Variants in NPHS1 observed in about 807,000 individuals in gnomAD.
The protein encoded by NPHS1 is NPHS1 adhesion molecule, nephrin, also known as nephrin.
A neutral mutation model predicts 139.7 loss-of-function variants in NPHS1; 107 were observed. That is an observed-to-expected ratio of 0.77 (90% CI 0.66 to 0.90). The LOEUF (loss-of-function observed/expected upper bound fraction) is 0.90, where lower values mean the gene tolerates loss of function less well. Ranked by LOEUF, NPHS1 falls within the 40% of genes least tolerant of loss-of-function variation. The pLI is 0.00. For synonymous variants in NPHS1, 707 were observed against 706.6 expected (o/e 1.00, Z -0.01); for missense variants, 1,580 against 1,654.2 (o/e 0.96, Z 0.78).
chr19:35,846,248 C>T lies in NPHS1; in HGVS notation c.1441-54G>A. The stretch of plus-strand genomic sequence containing the variant: ...AGGCAGCCCTGCCGCTTCCACCAAC[C>T]CCCAACCCCCCTACCCTGCCCACTG... On this transcript the variant is annotated intron_variant, in intron 11 of 28. Coordinates refer to ENST00000378910, the MANE Select transcript of NPHS1 (RefSeq NM_004646.4). 4.6e-6 allele frequency: 7 copies of T among 1,528,550 alleles called. No individual in the cohort carries two copies. The South Asian group carries it at 8.3e-5, about 18-fold the overall frequency. The allele number at this position is 1,528,550 out of a possible 1,614,324, so 94.7% of individuals were successfully genotyped here. A position where few individuals can be genotyped will look rare whatever the true frequency, so the allele number is the denominator to read the frequency against.
Position 35,845,871 on chromosome 19 carries a change from C to G in NPHS1, c.1628-73G>C. On this transcript the variant is annotated intron_variant, in intron 12 of 28. Coordinates refer to ENST00000378910, the MANE Select transcript of NPHS1 (RefSeq NM_004646.4). This position sits in a 1 kb window ranked among gnomAD's most constrained non-coding sequence, Gnocchi z 5.5. Reference sequence around the variant, plus strand: ...TGGTCTGCGTCCACCCCGCCTGCACCCCAGGCTCCGCCCAGTCTCGGGTCC... The same window carrying G: ...TGGTCTGCGTCCACCCCGCCTGCACGCCAGGCTCCGCCCAGTCTCGGGTCC... The G allele has an allele frequency of 6.4e-7, 1 of 1,573,298 alleles. No homozygotes were observed. Among genetic ancestry groups the G allele is most frequent in the Non-Finnish European group, 8.6e-7 (1 of 1,157,196 alleles).
At position 35,846,504 on chromosome 19, in the gene NPHS1, C is replaced by G. The variant is rs76104752; in HGVS notation, c.1441-310G>C. On this transcript the variant is annotated intron_variant, in intron 11 of 28. Transcript: ENST00000378910. ...TGCAGCCACCTGCAGGCTCTCAGCG[C>G]ACTCCTCAAAATCTATTTCTGCTGT... Among the ~76,000 whole-genome samples the G allele has an allele frequency of 5.1e-3, 779 of 152,310 alleles. 8 individuals carry two copies. Among genetic ancestry groups the G allele is most frequent in the African/African-American group, 0.018 (752 of 41,562 alleles).
At chr19:35,839,830 AG>A (rs1973028234) in intron 20 of NPHS1, among the ~76,000 whole-genome samples, 1 of 128,530 alleles carries the variant, frequency 7.8e-6, no homozygotes, top group African/African-American at 3.9e-5. Context: ...GCTTGAGCCC[AG>A]GAGTTCGAGA....
intron 2 of NPHS1, 27 bp downstream of exon 2, chr19:35,851,430 T>C (rs1446949521): frequency 6.2e-7 from 1 of 1,612,874 alleles, no homozygotes. Flanking sequence ...CGCTGGTGGC[T>C]GAGGGTCTCA....
Position 35,851,299 on chromosome 19 carries a change from G to T in NPHS1, c.360C>A (p.Pro120=). The T allele has an allele frequency of 1.2e-6, 2 of 1,613,942 alleles. No individual in the cohort carries two copies. Among genetic ancestry groups the T allele is most frequent in the Non-Finnish European group, 1.7e-6 (2 of 1,179,948 alleles). ...ECQVGRSEMG[P]ELVSPRVILS... is the part of the protein sequence containing the mutation. Reference sequence around the variant, plus strand: ...GGATCACTCTGGGAGACACGAGCTCGGGCCCCATCTCAGAGCGGCCGACCT... The same window carrying T: ...GGATCACTCTGGGAGACACGAGCTCTGGCCCCATCTCAGAGCGGCCGACCT... Residue 120 remains proline, a synonymous_variant, in exon 3 of 29, where the codon CCC becomes CCA. Coordinates refer to ENST00000378910, the MANE Select transcript of NPHS1 (RefSeq NM_004646.4).
At chr19:35,826,781 A>C in intron 28 of NPHS1, 136 bp from the exon 29 acceptor site, 1 of 919,848 alleles carries the variant, frequency 1.1e-6, no homozygotes, top group South Asian at 1.4e-5. Flanking sequence ...CAACATATAC[A>C]AAAAAGGAGT....
At chr19:35,844,544 G>T in intron 14 of NPHS1, 85 bp from the exon 15 acceptor site, 1 of 1,442,674 alleles carries the variant, frequency 6.9e-7, no homozygotes. Flanking sequence ...AGGTTCAAGG[G>T]TTAAAGTTGG....
At chr19:35,850,935 C>T (rs748526131) in intron 4 of NPHS1, 26 bp downstream of exon 4, 1 of 1,613,384 alleles carries the variant, frequency 6.2e-7, no homozygotes, top group East Asian at 2.2e-5. Flanking sequence ...ATGCTGCCCC[C>T]TGCCACCCAG....
chr19:35,851,563 G>C lies in NPHS1; in HGVS notation c.168C>G (p.Ser56Arg). Residue 56 changes from serine (S) to arginine (R), a missense_variant, in exon 2 of 29, where the codon AGC becomes AGG. By Grantham distance (110) the Ser-to-Arg change is moderately radical. Transcript: ENST00000378910. ...CCCATTGCACCGCACTGCCAGGGGT[G>C]CTGACCCCACAACGCAGCTCCACTG... ...GASVELRCGVSTPGSAVQWAK... is the reference protein window; with the variant it reads ...GASVELRCGVRTPGSAVQWAK... 1 of 1,613,914 alleles carries C rather than the reference G, an allele frequency of 6.2e-7. No homozygotes were observed. The highest frequency in any genetic ancestry group is 8.5e-7 in the Non-Finnish European group (1 of 1,179,972).
At chr19:35,829,103 T>C (rs1036306989) in intron 28 of NPHS1, among the ~76,000 whole-genome samples, 1 of 152,228 alleles carries the variant, frequency 6.6e-6, no homozygotes, top group Non-Finnish European at 1.5e-5. Flanking sequence ...ACCATCCTCA[T>C]TTCCCTGTGA....
At chr19:35,831,854 C>T in intron 23 of NPHS1, 92 bp from the exon 24 acceptor site, 1 of 1,370,370 alleles carries the variant, frequency 7.3e-7, no homozygotes, top group Non-Finnish European at 1.0e-6. Context: ...CTGACCAAGT[C>T]CCTCCCCCAG....
In NPHS1 at chr19:35,849,428, C is replaced by T. The variant is rs1973195828; in HGVS notation, c.713-65G>A. On this transcript the variant is annotated intron_variant, in intron 6 of 28. Coordinates refer to ENST00000378910, the MANE Select transcript of NPHS1 (RefSeq NM_004646.4). ...ATCCACTCTTTCCAGGCCCCACAAC[C>T]TGCCTTTGAACCCCCATGTTTCTCT... is the stretch of plus-strand genomic sequence containing the variant. The T allele has an allele frequency of 1.7e-5, 27 of 1,600,128 alleles. No homozygotes were observed. In the South Asian group the frequency reaches 2.9e-4, roughly 17 times the overall value.
chr19:35,840,838 G>A lies in NPHS1; in HGVS notation c.2815+877C>T, dbSNP rs191031309. Among the ~76,000 whole-genome samples the A allele has an allele frequency of 1.1e-3, 165 of 148,246 alleles. 1 individual carries two copies. Among genetic ancestry groups the A allele is most frequent in the African/African-American group, 4.0e-3 (163 of 40,464 alleles). On this transcript the variant is annotated intron_variant, in intron 20 of 28. Transcript: ENST00000378910. ...CGAGTAACTGGGATTACAAGCGCAT[G>A]CCATCACGCCCGGCTTTTTTTTTTT...
rs1973184941 is a variant in NPHS1 at position 35,848,872 on chromosome 19, C to T, written c.1013-78G>A. Reference sequence around the variant, plus strand: ...AGCCCAGACAGAACAGGACTGGAGACAGATGCTGAGATCTTTGGCATCCAG... The same window carrying T: ...AGCCCAGACAGAACAGGACTGGAGATAGATGCTGAGATCTTTGGCATCCAG... On this transcript the variant is annotated intron_variant, in intron 8 of 28. Transcript: ENST00000378910. 2.2e-5 allele frequency: 35 copies of T among 1,611,282 alleles called. 1 individual carries two copies. The South Asian group carries it at 3.6e-4, about 17-fold the overall frequency.
rs764658868 is a variant in NPHS1 at position 35,845,570 on chromosome 19, G to A, written c.1758-30C>T. On this transcript the variant is annotated intron_variant, in intron 13 of 28. Coordinates refer to ENST00000378910, the MANE Select transcript of NPHS1 (RefSeq NM_004646.4). The surrounding 1 kb of genome is among the most constrained non-coding windows in gnomAD (Gnocchi z 5.5). ...GGAACCGGGGTCAAGCCAGGGCTGC[G>A]AGCGGAGCCAGAGGCTGGAGAGGCA... 5 of 1,609,806 alleles carry A rather than the reference G, an allele frequency of 3.1e-6. No homozygotes were observed. In the Admixed American group the frequency reaches 5.0e-5, roughly 16 times the overall value.
Position 35,846,025 on chromosome 19 carries a change from G to A in NPHS1, c.1610C>T (p.Thr537Met), listed in dbSNP as rs368913905. The change falls in exon 12 of 29, where the codon ACG becomes ATG. Residue 537 changes from threonine (T) to methionine (M), a missense_variant. Coordinates refer to ENST00000378910, the MANE Select transcript of NPHS1 (RefSeq NM_004646.4). ...TCKAGQLSAS[T>M]QLAVQFPPTN... ...GCCCTCACACTGCACCGCCAGCTGC[G>A]TGGACGCGCTGAGCTGTCCAGCCTT... The A allele has an allele frequency of 6.3e-4, 1,002 of 1,585,728 alleles. 8 individuals carry two copies. In the South Asian group the frequency reaches 7.0e-3, roughly 11 times the overall value.
chr19:35,835,824 T>C (rs1972949982), intron 22 of NPHS1, 63 bp from the exon 23 acceptor site: 4 of 1,426,766 alleles, frequency 2.8e-6, no homozygotes, highest in Non-Finnish European at 4.0e-6. Flanking sequence ...TTTAAATATT[T>C]CTCAGCCTCT....
Position 35,851,096 on chromosome 19 carries a change from A to T in NPHS1, c.398-7T>A. Reference sequence around the variant, plus strand: ...AGGAGCAGCTTGGGAGGAACTGGTGAGAGAAGGGTCTGGGGTAAGCTTCCA... The same window carrying T: ...AGGAGCAGCTTGGGAGGAACTGGTGTGAGAAGGGTCTGGGGTAAGCTTCCA... On this transcript the variant is annotated splice_polypyrimidine_tract_variant and splice_region_variant and intron_variant, in intron 3 of 28. Coordinates refer to ENST00000378910, the MANE Select transcript of NPHS1 (RefSeq NM_004646.4). The T allele has an allele frequency of 5.0e-6, 8 of 1,614,108 alleles. No individual in the cohort carries two copies. The highest frequency in any genetic ancestry group is 5.9e-6 in the Non-Finnish European group (7 of 1,180,018).
Position 35,841,747 on chromosome 19 carries a change from G to A in NPHS1, c.2783C>T (p.Ser928Leu), listed in dbSNP as rs386833926. 19 of 1,614,044 alleles carry A rather than the reference G, an allele frequency of 1.2e-5. No individual in the cohort carries two copies. The highest frequency in any genetic ancestry group is 5.3e-5 in the African/African-American group (4 of 74,920). Residue 928 changes from serine to leucine, a missense_variant, in exon 20 of 29, where the codon TCG becomes TTG. Coordinates refer to ENST00000378910, the MANE Select transcript of NPHS1 (RefSeq NM_004646.4). ...GACAAGTTGAATGTTGGTTTGGTCC[G>A]AGCCAAGGGCGTTGGTGGCTGTACA... The part of the protein sequence containing the change: ...FTCTATNALG[S>L]DQTNIQLVSI...
Sources: gnomAD v4.1 joint callset for allele counts (sites outside exome capture counted in the v4.1 genomes callset) on GRCh38, gnomAD v4.1.1 for gene constraint, Gnocchi (gnomAD v3.1) non-coding constraint, MANE v1.5 for transcripts, NCBI Gene and HGNC (gene_info 2026-07-23, HGNC 2026-07-21) for gene names.